Variants in RUBCNL observed in about 807,000 individuals in gnomAD.
RUBCNL encodes rubicon like autophagy enhancer.
A neutral mutation model predicts 69.5 loss-of-function variants in RUBCNL; 62 were observed. The observed-to-expected ratio is 0.89, with a 90% CI of 0.73 to 1.10. RUBCNL has a LOEUF of 1.10. Among genes scored for constraint, RUBCNL ranks in the 50% least tolerant of loss-of-function variants. The probability of loss-of-function intolerance (pLI) is 0.00; values close to 1 mark genes in which losing one functional copy is unlikely to be tolerated. For synonymous variants in RUBCNL, 291 were observed against 303.6 expected, an observed-to-expected ratio of 0.96 and a Z score of 0.43; for missense variants, 768 against 798.1, an observed-to-expected ratio of 0.96 and a Z score of 0.45.
intron 1 of RUBCNL, among the ~76,000 whole-genome samples, chr13:46,379,143 C>G (rs1025635251): frequency 6.6e-6 from 1 of 152,260 alleles, no homozygotes; most frequent in African/African-American, 2.4e-5. Context: ...CAGGCACAAT[C>G]TCGGCTCACT....
At chr13:46,369,190 C>T (rs1379640542) in intron 3 of RUBCNL, among the ~76,000 whole-genome samples, 2 of 152,196 alleles carry the variant, frequency 1.3e-5, no homozygotes, top group South Asian at 4.1e-4. Context: ...GCTTCTCTAG[C>T]TCATTGTGAT....
At chr13:46,379,034 T>C (rs1488870486) in intron 1 of RUBCNL, among the ~76,000 whole-genome samples, 1 of 152,220 alleles carries the variant, frequency 6.6e-6, no homozygotes, top group East Asian at 1.9e-4. Context: ...TCATTGTATC[T>C]AACCTCAATG....
rs2048155264 is a variant in RUBCNL at position 46,342,346 on chromosome 13, T to A, written c.*1039A>T. On this transcript the variant is annotated 3_prime_UTR_variant, in exon 15 of 15. Transcript: ENST00000429979. The stretch of plus-strand genomic sequence containing the variant: ...GGGAATGTAATGCCCAAGCCCTAGG[T>A]TGCAAACCGTTCAGTCTAAAGGTAT... 2 of 152,158 alleles carry A rather than the reference T, an allele frequency of 1.3e-5. No homozygotes were observed. Among genetic ancestry groups the A allele is most frequent in the African/African-American group, 4.8e-5 (2 of 41,442 alleles). 9.4% of individuals were successfully genotyped at this position (152,158 alleles called of 1,614,324 possible).
At position 46,345,343 on chromosome 13, in the gene RUBCNL, G is replaced by A. The variant is rs111657321; in HGVS notation, c.1785+104C>T. 1,142 of 1,354,066 alleles carry A rather than the reference G, an allele frequency of 8.4e-4. 6 individuals are homozygous for A. The African/African-American group carries it at 0.011, about 13-fold the overall frequency. 83.9% of individuals were successfully genotyped at this position (1,354,066 alleles called of 1,614,324 possible). ...TTTTCTCATCTCTAACTAGGTCACC[G>A]GCACTTCCCTCAGGGTTTGTGAGAG... On this transcript the variant is annotated intron_variant, in intron 13 of 14. Coordinates refer to ENST00000429979, the MANE Select transcript of RUBCNL (RefSeq NM_025113.5).
rs1330731898 is a variant in RUBCNL at position 46,335,881 on chromosome 13, TACCA to T, written c.*7500_*7503del. 6.6e-6 allele frequency among the ~76,000 whole-genome samples: 1 copy of T among 152,156 alleles called. No homozygotes were observed. The highest frequency in any genetic ancestry group is 1.5e-5 in the Non-Finnish European group (1 of 68,022). On this transcript the variant is annotated 3_prime_UTR_variant, in exon 15 of 15. Transcript: ENST00000429979. ...GCACAGCTATCAGTGGGCTGCTGAG[TACCA>T]GCCTCTGGGCTGAAGCTACAAATTT...
intron 7 of RUBCNL, among the ~76,000 whole-genome samples, 160 bp from the exon 8 acceptor site, chr13:46,361,733 T>C (rs556132482): frequency 1.3e-5 from 2 of 152,270 alleles, no homozygotes; most frequent in African/African-American, 2.4e-5. Context: ...TTACTCAACA[T>C]GGCTCCTGCA....
In RUBCNL at chr13:46,350,325, C is replaced by T. The variant is rs200810574; in HGVS notation, c.1357G>A (p.Glu453Lys). The change falls in exon 11 of 15, where the codon GAA (glutamate) becomes AAA (lysine). Residue 453 changes from glutamate (E) to lysine (K), a missense_variant. Glu to Lys is a moderately conservative substitution (Grantham distance 56). Coordinates refer to ENST00000429979, the MANE Select transcript of RUBCNL (RefSeq NM_025113.5). ...PKFVKRLRYC[E>K]YLGKYFCDCC... ...TCACAGAAATACTTCCCTAGGTATT[C>T]GCAGTACCGGAGCCGCTTCACAAAC... The T allele has an allele frequency of 1.9e-6, 3 of 1,557,034 alleles. No homozygotes were observed. The highest frequency in any genetic ancestry group is 2.6e-6 in the Non-Finnish European group (3 of 1,148,408).
In RUBCNL at chr13:46,377,878, T is replaced by G; in HGVS notation, c.-123+12A>C. On this transcript the variant is annotated intron_variant, in intron 2 of 14. Coordinates refer to ENST00000429979, the MANE Select transcript of RUBCNL (RefSeq NM_025113.5). ...GGCAGAGAGAAGACAAAAGGCCAGG[T>G]CGGACACTCACCAGGAGTATGAATT... The G allele has an allele frequency of 6.5e-7, 1 of 1,536,750 alleles. No homozygotes were observed. The highest frequency in any genetic ancestry group is 9.0e-7 in the Non-Finnish European group (1 of 1,114,356).
chr13:46,352,727 C>T (rs1336150949), intron 10 of RUBCNL, among the ~76,000 whole-genome samples: 4 of 152,040 alleles, frequency 2.6e-5, no homozygotes, highest in Non-Finnish European at 5.9e-5. Flanking sequence ...TTGCTTGAAC[C>T]CGGGAGGCAG....
At chr13:46,346,060 C>A (rs2048239473) in intron 12 of RUBCNL, among the ~76,000 whole-genome samples, 2 of 152,232 alleles carry the variant, frequency 1.3e-5, no homozygotes, top group Non-Finnish European at 2.9e-5. Flanking sequence ...CCTATGACTT[C>A]CAAATGCACG....
Position 46,356,882 on chromosome 13 carries a change from GCTTT to G in RUBCNL, c.1266-390_1266-387del, listed in dbSNP as rs1464686675. The stretch of plus-strand genomic sequence containing the variant: ...CACCATGCCCAGCTAGCTTTTTTTG[GCTTT>G]ATTTACTTTTTTTTTTTTTTTTGGT... On this transcript the variant is annotated intron_variant, in intron 9 of 14. Coordinates refer to ENST00000429979, the MANE Select transcript of RUBCNL (RefSeq NM_025113.5). Among the ~76,000 whole-genome samples the G allele has an allele frequency of 4.7e-5, 7 of 148,772 alleles. No homozygotes were observed. In the East Asian group the frequency reaches 9.9e-4, roughly 21 times the overall value.
At chr13:46,374,174 G>A (rs1194657278) in intron 2 of RUBCNL, among the ~76,000 whole-genome samples, 2 of 152,182 alleles carry the variant, frequency 1.3e-5, no homozygotes, top group Non-Finnish European at 2.9e-5. Context: ...CTGCCTCCCA[G>A]GTTCAAGCAG....
In RUBCNL at chr13:46,368,777, A is replaced by G. The variant is rs775405724; in HGVS notation, c.574T>C (p.Ser192Pro). Reference sequence around the variant, plus strand: ...AGCACAAATACCTCTGGTGAGAAGGAATTCGAAGAAATGGTTCTTCTACTG... The same window carrying G: ...AGCACAAATACCTCTGGTGAGAAGGGATTCGAAGAAATGGTTCTTCTACTG... ...QVSRRTISSNSFSPEVFVLPV... is the reference protein window; with the variant it reads ...QVSRRTISSNPFSPEVFVLPV... Residue 192 changes from serine (S) to proline (P), a missense_variant, in exon 4 of 15, where the codon TCC becomes CCC. Transcript: ENST00000429979. 1 of 1,613,762 alleles carries G rather than the reference A, an allele frequency of 6.2e-7. No individual in the cohort carries two copies. Among genetic ancestry groups the G allele is most frequent in the African/African-American group, 1.3e-5 (1 of 74,948 alleles).
intron 2 of RUBCNL, among the ~76,000 whole-genome samples, chr13:46,375,434 G>A (rs2048970433): frequency 6.6e-6 from 1 of 152,198 alleles, no homozygotes; most frequent in African/African-American, 2.4e-5. Context: ...TGAGGAGGCT[G>A]AGGCAGGAGA....
At chr13:46,360,822 C>T (rs61949224) in intron 8 of RUBCNL, among the ~76,000 whole-genome samples, 14,101 of 152,304 alleles carry the variant, frequency 0.093, 882 homozygotes, top group Non-Finnish European at 0.14. Flanking sequence ...GCAGCCTGGG[C>T]ATGACTCCTG....
At chr13:46,379,524 T>C (rs1232032522) in intron 1 of RUBCNL, among the ~76,000 whole-genome samples, 1 of 152,238 alleles carries the variant, frequency 6.6e-6, no homozygotes, top group Non-Finnish European at 1.5e-5. Flanking sequence ...GATATGGTTA[T>C]GTTGTTTATT....
At chr13:46,360,145 T>C (rs1023456914) in intron 8 of RUBCNL, among the ~76,000 whole-genome samples, 6 of 152,102 alleles carry the variant, frequency 3.9e-5, no homozygotes, top group African/African-American at 1.4e-4. Flanking sequence ...TCCTAGCACT[T>C]TGGGAGGCCG....
chr13:46,388,199 CAAAAA>C (rs71074779), upstream of RUBCNL, among the ~76,000 whole-genome samples: 5 of 68,202 alleles, frequency 7.3e-5, no homozygotes, highest in Non-Finnish European at 9.9e-5. Flanking sequence ...GCAAGACTGT[CAAAAA>C]AAAAAAAAAA....
chr13:46,367,929 TTC>T, intron 5 of RUBCNL, 111 bp downstream of exon 5: 1 of 1,016,656 alleles, frequency 9.8e-7, no homozygotes, highest in Non-Finnish European at 1.5e-6. Flanking sequence ...TATCTGAAGG[TTC>T]AGGCTTCCAC....
Sources: allele counts gnomAD v4.1 joint callset (sites outside exome capture counted in the v4.1 genomes callset), GRCh38; gene constraint gnomAD v4.1.1; transcripts MANE v1.5; gene names NCBI Gene and HGNC (gene_info 2026-07-23, HGNC 2026-07-21).